The following SLC35F3 variants were observed in gnomAD, a reference collection of about 807,000 sequenced individuals.
SLC35F3 encodes the protein solute carrier family 35 member F3.
In SLC35F3, 25 loss-of-function variants were observed where a neutral mutation model predicts 49.9. That is an observed-to-expected ratio of 0.50 (90% confidence interval 0.37 to 0.70). The LOEUF is 0.70. Among genes scored for constraint, SLC35F3 ranks in the 30% least tolerant of loss-of-function variants. The probability of loss-of-function intolerance (pLI) is 0.00; values close to 1 mark genes in which losing one functional copy is unlikely to be tolerated. For missense variants in SLC35F3, 525 were observed against 639.8 expected (o/e 0.82, Z 1.94); for synonymous variants, 275 against 265.4 (o/e 1.04, Z -0.35).
At chr1:234,070,199 G>GAGATCTC (rs1202903760) in intron 2 of SLC35F3, among the ~76,000 whole-genome samples, 4 of 152,152 alleles carry the variant, frequency 2.6e-5, no homozygotes, top group African/African-American at 9.7e-5. Context: ...GTGTGAAGAT[G>GAGATCTC]AGATCTCATG....
intron 2 of SLC35F3, among the ~76,000 whole-genome samples, chr1:234,069,916 T>C (rs4261174): frequency 0.87 from 131,747 of 152,144 alleles, 57,254 homozygotes; most frequent in Non-Finnish European, 0.91. Flanking sequence ...TCTGTGTGCC[T>C]GGAGGATACC....
chr1:234,276,245 G>A (rs1481534917), intron 3 of SLC35F3, among the ~76,000 whole-genome samples: 3 of 152,188 alleles, frequency 2.0e-5, no homozygotes, highest in African/African-American at 7.2e-5. Context: ...CAGAAATGCT[G>A]AAATCTAGTA....
chr1:234,160,776 G>A (rs370700108), intron 2 of SLC35F3, among the ~76,000 whole-genome samples: 16 of 152,244 alleles, frequency 1.1e-4, no homozygotes, highest in South Asian at 2.1e-4. Flanking sequence ...TATGGCTTTC[G>A]CTGCAGCTGT....
At chr1:234,053,012 A>G (rs144221870) in intron 2 of SLC35F3, among the ~76,000 whole-genome samples, 2,679 of 152,246 alleles carry the variant, frequency 0.018, 120 homozygotes, top group East Asian at 0.17. Context: ...ACAGTTTGTT[A>G]TAATTTCTGT....
chr1:233,972,470 G>T (rs1007955746), intron 2 of SLC35F3, among the ~76,000 whole-genome samples: 2 of 152,156 alleles, frequency 1.3e-5, no homozygotes, highest in African/African-American at 2.4e-5. Context: ...TTGAGTCCTA[G>T]CTCCACCTTC....
chr1:233,974,655 G>C (rs879583853), intron 2 of SLC35F3, among the ~76,000 whole-genome samples: 2 of 152,046 alleles, frequency 1.3e-5, no homozygotes, highest in Non-Finnish European at 1.5e-5. Context: ...ATCAACTCTT[G>C]GGATTGATTT....
At position 234,231,245 on chromosome 1, in the gene SLC35F3, C is replaced by T. The variant is rs531477648; in HGVS notation, c.284-172C>T. Among the ~76,000 whole-genome samples the T allele has an allele frequency of 4.6e-5, 7 of 152,206 alleles. No individual in the cohort carries two copies. The highest frequency in any genetic ancestry group is 1.0e-4 in the Non-Finnish European group (7 of 68,040). On this transcript the variant is annotated intron_variant, in intron 2 of 7. Coordinates refer to ENST00000366618, the MANE Select transcript of SLC35F3 (RefSeq NM_173508.4). This position sits in a 1 kb window ranked among gnomAD's most constrained non-coding sequence, Gnocchi z 5.4. ...TGGAGGACAGGAAAACCAGTGCAAA[C>T]GTTTTCTATTGCAGCTTGCTGTCAC...
intron 2 of SLC35F3, among the ~76,000 whole-genome samples, chr1:234,008,132 G>A (rs568571401): frequency 4.0e-5 from 6 of 148,664 alleles, no homozygotes; most frequent in South Asian, 4.4e-4. Context: ...TTCTTCTCTC[G>A]TTCCTTGTCT....
intron 2 of SLC35F3, among the ~76,000 whole-genome samples, 156 bp downstream of exon 2, chr1:233,905,914 C>T (rs954985641): frequency 1.3e-5 from 2 of 152,224 alleles, no homozygotes; most frequent in African/African-American, 4.8e-5. Flanking sequence ...GGAAGAGGCC[C>T]GGAGACGGAG....
At chr1:233,958,115 A>T (rs1442461001) in intron 2 of SLC35F3, among the ~76,000 whole-genome samples, 1 of 152,212 alleles carries the variant, frequency 6.6e-6, no homozygotes, top group African/African-American at 2.4e-5. Context: ...GGACATGGAC[A>T]TAATGTCACC....
chr1:233,982,617 G>A (rs780338847), intron 2 of SLC35F3, among the ~76,000 whole-genome samples: 28 of 152,166 alleles, frequency 1.8e-4, no homozygotes, highest in Non-Finnish European at 3.7e-4. Context: ...CAGGTGATCC[G>A]CCCACCTTGG....
At chr1:234,036,649 T>A (rs1664148620) in intron 2 of SLC35F3, among the ~76,000 whole-genome samples, 1 of 152,214 alleles carries the variant, frequency 6.6e-6, no homozygotes, top group African/African-American at 2.4e-5. Flanking sequence ...TCAGCTCCAG[T>A]CTTTTGTCAG....
intron 3 of SLC35F3, among the ~76,000 whole-genome samples, chr1:234,297,371 G>T (rs548387377): frequency 6.6e-6 from 1 of 152,198 alleles, no homozygotes; most frequent in African/African-American, 2.4e-5. Flanking sequence ...ACCACAGCAC[G>T]ATTCACAATA....
Position 233,969,371 on chromosome 1 carries a change from AG to A in SLC35F3, c.283+63615del, listed in dbSNP as rs1241155254. Among the ~76,000 whole-genome samples the A allele has an allele frequency of 3.9e-5, 6 of 152,310 alleles. No individual in the cohort carries two copies. The East Asian group carries it at 9.7e-4, about 25-fold the overall frequency. On this transcript the variant is annotated intron_variant, in intron 2 of 7. Transcript: ENST00000366618. ...GAGCTGACATGGTGTGATCATCAGG[AG>A]GTGCAGCTCTGGGGGCTGCCATCTG...
chr1:234,121,818 G>A (rs182556177), intron 2 of SLC35F3, among the ~76,000 whole-genome samples: 1 of 152,254 alleles, frequency 6.6e-6, no homozygotes, highest in African/African-American at 2.4e-5. Context: ...GTGGTGTTTG[G>A]TTTTCTGTCC....
intron 2 of SLC35F3, among the ~76,000 whole-genome samples, chr1:234,033,508 G>A (rs898560413): frequency 1.3e-5 from 2 of 152,112 alleles, no homozygotes; most frequent in African/African-American, 4.8e-5. Flanking sequence ...TTAAGTCTTT[G>A]ATCCATCTCG....
intron 2 of SLC35F3, among the ~76,000 whole-genome samples, chr1:234,035,428 T>C (rs1259720984): frequency 2.0e-5 from 3 of 152,228 alleles, no homozygotes; most frequent in Non-Finnish European, 4.4e-5. Flanking sequence ...TAGTAGCTTT[T>C]GTAATTTCAG....
chr1:233,956,481 A>G (rs1049021283), intron 2 of SLC35F3, among the ~76,000 whole-genome samples: 3 of 152,204 alleles, frequency 2.0e-5, no homozygotes, highest in Non-Finnish European at 4.4e-5. Context: ...TGTGGGGGAA[A>G]GGCAATGTTT....
intron 2 of SLC35F3, among the ~76,000 whole-genome samples, chr1:233,955,359 C>G (rs1308972475): frequency 1.3e-5 from 2 of 152,136 alleles, no homozygotes; most frequent in African/African-American, 4.8e-5. Flanking sequence ...AACTGCTCTT[C>G]CTCCCTGCAA....
Sources: gnomAD v4.1 joint callset for allele counts (sites outside exome capture counted in the v4.1 genomes callset) on GRCh38, gnomAD v4.1.1 for gene constraint, Gnocchi (gnomAD v3.1) non-coding constraint, MANE v1.5 for transcripts, NCBI Gene and HGNC (gene_info 2026-07-23, HGNC 2026-07-21) for gene names.